LCP2: variants seen among roughly 807,000 people sequenced by gnomAD.
LCP2 encodes 76 kDa tyrosine phosphoprotein.
In LCP2, 29 loss-of-function variants were observed where a neutral mutation model predicts 74.5. The ratio of observed to expected loss-of-function variants is 0.39; its 90% CI spans 0.29 to 0.53. The LOEUF is 0.53. LCP2 is among the 20% of genes least tolerant of loss of function. The pLI is 0.72. For missense variants in LCP2, 604 were observed against 634.6 expected, an observed-to-expected ratio of 0.95 and a Z score of 0.52; for synonymous variants, 228 against 229.5, an observed-to-expected ratio of 0.99 and a Z score of 0.06.
intron 17 of LCP2, 73 bp from the exon 18 acceptor site, chr5:170,253,286 A>G (rs967705765): frequency 2.9e-5 from 30 of 1,041,476 alleles, no homozygotes; most frequent in Non-Finnish European, 4.1e-5. Context: ...CACAAAACAC[A>G]TTCCCCCCAC....
chr5:170,251,380 C>T (rs952951095), intron 19 of LCP2: 3 of 217,846 alleles, frequency 1.4e-5, no homozygotes, highest in African/African-American at 6.9e-5. Context: ...CTTCATCAGA[C>T]CCTTGAGCAA....
At chr5:170,252,267 A>G in intron 19 of LCP2, 167 bp downstream of exon 19, 2 of 432,822 alleles carry the variant, frequency 4.6e-6, no homozygotes, top group East Asian at 3.3e-5. Flanking sequence ...AATCCCTGCT[A>G]TGGGTGCTGG....
intron 1 of LCP2, 144 bp downstream of exon 1, chr5:170,297,390 G>A (rs1210911959): frequency 4.0e-5 from 26 of 648,428 alleles, no homozygotes; most frequent in African/African-American, 9.2e-5. Flanking sequence ...TCTATATGGC[G>A]CTCACTCAAC....
At chr5:170,274,897 A>G (rs1761979264) in intron 5 of LCP2, among the ~76,000 whole-genome samples, 1 of 151,746 alleles carries the variant, frequency 6.6e-6, no homozygotes, top group South Asian at 2.1e-4. Context: ...GAATGGCGTG[A>G]ACCCGGGAGG....
chr5:170,291,226 A>AAGGAAGGAAGGAAGGAAGAAAGG (rs1561979324), intron 2 of LCP2, among the ~76,000 whole-genome samples: 24 of 52,994 alleles, frequency 4.5e-4, no homozygotes, highest in African/African-American at 1.3e-3. Flanking sequence ...AGGAAGGAAG[A>AAGGAAGGAAGGAAGGAAGAAAGG]AAGGAAGGAA....
chr5:170,249,876 G>T (rs1316796300), intron 20 of LCP2, among the ~76,000 whole-genome samples: 3 of 152,218 alleles, frequency 2.0e-5, no homozygotes, highest in Admixed American at 6.5e-5. Flanking sequence ...TGGTTGGTCT[G>T]CACTTGTGTG....
chr5:170,256,579 A>G lies in LCP2; in HGVS notation c.1101-4T>C, dbSNP rs1561967377. On this transcript the variant is annotated splice_region_variant and splice_polypyrimidine_tract_variant and intron_variant, in intron 16 of 20. Transcript: ENST00000046794. This position sits in a 1 kb window ranked among gnomAD's most constrained non-coding sequence, Gnocchi z 4.5. The stretch of plus-strand genomic sequence containing the variant: ...ACTCTGTGGAAAACTGCTGTTACTG[A>G]GGAGACAGAAAAAGAACAAAATTTA... 1.2e-6 allele frequency: 2 copies of G among 1,609,754 alleles called. No individual in the cohort carries two copies. Among genetic ancestry groups the G allele is most frequent in the East Asian group, 4.5e-5 (2 of 44,848 alleles).
At chr5:170,259,834 C>T (rs1287213783) in intron 14 of LCP2, among the ~76,000 whole-genome samples, 1 of 152,196 alleles carries the variant, frequency 6.6e-6, no homozygotes, top group East Asian at 1.9e-4. Flanking sequence ...AAACCCCACA[C>T]AACAAAATCA....
intron 7 of LCP2, among the ~76,000 whole-genome samples, chr5:170,270,231 A>G (rs1045756559): frequency 2.0e-5 from 3 of 152,244 alleles, no homozygotes; most frequent in Non-Finnish European, 4.4e-5. Context: ...CAGATAGACA[A>G]TAAAAATCGT....
At chr5:170,289,494 G>A (rs371415454) in intron 2 of LCP2, among the ~76,000 whole-genome samples, 3 of 152,274 alleles carry the variant, frequency 2.0e-5, no homozygotes, top group African/African-American at 7.2e-5. Context: ...TGATCTGGAC[G>A]CTGATCAGAC....
intron 18 of LCP2, chr5:170,252,717 G>T (rs1167286328): frequency 1.9e-6 from 1 of 536,386 alleles, no homozygotes. Flanking sequence ...TCATGACACT[G>T]GTTGCAAAAA....
intron 10 of LCP2, among the ~76,000 whole-genome samples, chr5:170,266,249 C>G (rs1761754993): frequency 6.6e-6 from 1 of 152,194 alleles, no homozygotes; most frequent in Non-Finnish European, 1.5e-5. Flanking sequence ...AATGTTTGGT[C>G]AATTGCATAC....
intron 17 of LCP2, among the ~76,000 whole-genome samples, chr5:170,254,484 C>G (rs1339800123): frequency 1.3e-5 from 2 of 152,194 alleles, no homozygotes; most frequent in Non-Finnish European, 1.5e-5. Context: ...TGAGCCACAT[C>G]AACAGGATTG....
chr5:170,284,051 T>G (rs1388274748), intron 3 of LCP2, among the ~76,000 whole-genome samples: 1 of 152,236 alleles, frequency 6.6e-6, no homozygotes, highest in African/African-American at 2.4e-5. Context: ...CCCATGTCTT[T>G]GCAGCCTGAA....
chr5:170,289,617 TTTTCTTTCTTTC>T (rs70979169), intron 2 of LCP2, among the ~76,000 whole-genome samples: 253 of 122,214 alleles, frequency 2.1e-3, no homozygotes, highest in East Asian at 4.6e-3. Context: ...CTTTCTTTCT[TTTTCTTTCTTTC>T]TTTCTTTCTT....
intron 10 of LCP2, among the ~76,000 whole-genome samples, chr5:170,264,248 A>G (rs909320602): frequency 6.6e-6 from 1 of 152,206 alleles, no homozygotes; most frequent in Non-Finnish European, 1.5e-5. Flanking sequence ...CTGAAGACCA[A>G]TTGCCCCAAA....
chr5:170,297,328 G>A (rs976735493), intron 1 of LCP2, among the ~76,000 whole-genome samples: 1 of 152,180 alleles, frequency 6.6e-6, no homozygotes, highest in African/African-American at 2.4e-5. Context: ...TCATTTGAGG[G>A]CTTCTGCTCC....
chr5:170,275,735 C>A, intron 4 of LCP2, 60 bp downstream of exon 4: 1 of 1,384,048 alleles, frequency 7.2e-7, no homozygotes, highest in Admixed American at 2.0e-5. Context: ...CTGTGCCTCC[C>A]TTTTAAGGTT....
At chr5:170,254,268 G>A (rs181940043) in intron 17 of LCP2, among the ~76,000 whole-genome samples, 3 of 152,316 alleles carry the variant, frequency 2.0e-5, no homozygotes, top group Admixed American at 2.0e-4. Context: ...GCATGAGTCA[G>A]AATCCCTGGG....
Sources: gnomAD v4.1 joint callset for allele counts (sites outside exome capture counted in the v4.1 genomes callset) on GRCh38, gnomAD v4.1.1 for gene constraint, Gnocchi (gnomAD v3.1) non-coding constraint, MANE v1.5 for transcripts, NCBI Gene and HGNC (gene_info 2026-07-23, HGNC 2026-07-21) for gene names.